RMDN2: variants seen among roughly 807,000 people sequenced by gnomAD.
RMDN2 encodes the protein regulator of microtubule dynamics 2.
Under a neutral mutation model 52.8 loss-of-function variants are expected in RMDN2, and 61 were observed. The ratio of observed to expected loss-of-function variants is 1.16; its 90% CI spans 0.94 to 1.43. The LOEUF is 1.43. Ranked by LOEUF, RMDN2 falls within the 40% of genes most tolerant of loss-of-function variation. The pLI is 0.00. For synonymous variants in RMDN2, 180 were observed against 153.1 expected, an observed-to-expected ratio of 1.18 and a Z score of -1.30; for missense variants, 592 against 475.3, an observed-to-expected ratio of 1.25 and a Z score of -2.28.
At chr2:38,039,079 CACACACACACACACAGAGAG>C (rs1395186594) in intron 10 of RMDN2, among the ~76,000 whole-genome samples, 3 of 83,262 alleles carry the variant, frequency 3.6e-5, no homozygotes, top group Non-Finnish European at 6.9e-5. Context: ...CACACACACA[CACACACACACACACAGAGAG>C]AGAGATAAAA....
At chr2:37,985,837 A>G (rs191975553) in intron 5 of RMDN2, among the ~76,000 whole-genome samples, 1 of 152,300 alleles carries the variant, frequency 6.6e-6, no homozygotes, top group East Asian at 1.9e-4. Flanking sequence ...TAAGGATAAT[A>G]GGGAAATATG....
At chr2:37,971,074 AT>A (rs1671748203) in intron 2 of RMDN2, among the ~76,000 whole-genome samples, 1 of 151,808 alleles carries the variant, frequency 6.6e-6, no homozygotes, top group Admixed American at 6.6e-5. Flanking sequence ...TAATTTATTC[AT>A]TTTTTTCTTT....
intron 7 of RMDN2, among the ~76,000 whole-genome samples, chr2:37,992,812 T>C (rs1206653843): frequency 1.3e-5 from 2 of 152,224 alleles, no homozygotes; most frequent in African/African-American, 4.8e-5. Context: ...CTCACTCACT[T>C]TTTCAAAAAC....
At chr2:38,007,918 T>C (rs1280838504) in intron 10 of RMDN2, among the ~76,000 whole-genome samples, 1 of 152,184 alleles carries the variant, frequency 6.6e-6, no homozygotes, top group African/African-American at 2.4e-5. Context: ...TTTGTTCTCG[T>C]TGGTTTCAAA....
chr2:38,030,509 A>G (rs1364383033), intron 10 of RMDN2: 1 of 152,202 alleles, frequency 6.6e-6, no homozygotes, highest in Non-Finnish European at 1.5e-5. Flanking sequence ...AAGATGACTG[A>G]TGATGTTTAT....
intron 10 of RMDN2, among the ~76,000 whole-genome samples, chr2:38,025,938 G>C (rs1679749025): frequency 1.3e-5 from 2 of 151,924 alleles, no homozygotes. Flanking sequence ...TCTGGTTTTG[G>C]TATCAGAGTA....
intron 10 of RMDN2, among the ~76,000 whole-genome samples, chr2:38,058,790 G>A (rs1681935894): frequency 6.6e-6 from 1 of 152,084 alleles, no homozygotes; most frequent in South Asian, 2.1e-4. Context: ...ATTTTCCACT[G>A]GAGATGTTGG....
chr2:38,056,408 T>C (rs1681857342), intron 10 of RMDN2, among the ~76,000 whole-genome samples: 1 of 152,220 alleles, frequency 6.6e-6, no homozygotes, highest in South Asian at 2.1e-4. Flanking sequence ...TGTTGGGGCA[T>C]GCCGGTGTGT....
At chr2:37,937,815 T>C (rs1667436445) in intron 2 of RMDN2, among the ~76,000 whole-genome samples, 1 of 152,192 alleles carries the variant, frequency 6.6e-6, no homozygotes, top group African/African-American at 2.4e-5. Flanking sequence ...TTTCTAAATA[T>C]ACAGTCATGT....
At position 37,984,739 on chromosome 2, in the gene RMDN2, C is replaced by G. The variant is rs531968309; in HGVS notation, c.791+3396C>G. 3.3e-5 allele frequency among the ~76,000 whole-genome samples: 5 copies of G among 151,988 alleles called. No individual in the cohort carries two copies. The South Asian group carries it at 6.2e-4, about 19-fold the overall frequency. ...TTCACTATCAATGCAAAGAAAAATA[C>G]AGTGTTCTTGTCAAAACATATGTAG... is the stretch of plus-strand genomic sequence containing the variant. On this transcript the variant is annotated intron_variant, in intron 5 of 10. Coordinates refer to ENST00000354545, the MANE Select transcript of RMDN2 (RefSeq NM_001170791.3).
chr2:37,958,843 A>G (rs901657626), intron 2 of RMDN2, among the ~76,000 whole-genome samples: 1 of 150,954 alleles, frequency 6.6e-6, no homozygotes, highest in African/African-American at 2.5e-5. Flanking sequence ...TGTTTTTAGC[A>G]TGAAGCCGTG....
chr2:38,011,021 A>T (rs1360193295), intron 10 of RMDN2, among the ~76,000 whole-genome samples: 1 of 152,216 alleles, frequency 6.6e-6, no homozygotes, highest in Non-Finnish European at 1.5e-5. Context: ...TGAAGCAAGC[A>T]TAATTCCTTC....
downstream of RMDN2, among the ~76,000 whole-genome samples, chr2:38,018,330 G>T (rs1679071418): frequency 6.6e-6 from 1 of 152,048 alleles, no homozygotes; most frequent in Admixed American, 6.5e-5. Context: ...AAATATAAAA[G>T]AAAAAATTTA....
At chr2:37,949,494 G>GT (rs748829626) in intron 2 of RMDN2, among the ~76,000 whole-genome samples, 2 of 152,174 alleles carry the variant, frequency 1.3e-5, no homozygotes, top group Admixed American at 1.3e-4. Flanking sequence ...TTGCTATGCT[G>GT]TAAGTAACAT....
At chr2:37,944,704 AAT>A (rs1668078457) in intron 2 of RMDN2, among the ~76,000 whole-genome samples, 1 of 152,168 alleles carries the variant, frequency 6.6e-6, no homozygotes, top group South Asian at 2.1e-4. Context: ...AAGAGAGGTA[AAT>A]ATGTGGACAC....
At chr2:38,058,715 GT>G (rs1558594312) in intron 10 of RMDN2, among the ~76,000 whole-genome samples, 1 of 152,134 alleles carries the variant, frequency 6.6e-6, no homozygotes, top group African/African-American at 2.4e-5. Context: ...GTTATGGGCA[GT>G]TTTCTGTTTC....
chr2:37,971,450 T>C (rs1671796305), intron 2 of RMDN2, among the ~76,000 whole-genome samples: 1 of 152,236 alleles, frequency 6.6e-6, no homozygotes, highest in African/African-American at 2.4e-5. Context: ...CTATTTCATA[T>C]GTCTTACCCC....
downstream of RMDN2, among the ~76,000 whole-genome samples, chr2:38,021,177 G>T (rs1679341874): frequency 6.6e-6 from 1 of 152,248 alleles, no homozygotes; most frequent in Admixed American, 6.5e-5. Flanking sequence ...TCTGTATCTA[G>T]CTAATCTAGT....
chr2:37,928,899 G>C (rs1165789817), intron 1 of RMDN2: 1 of 154,520 alleles, frequency 6.5e-6, no homozygotes, highest in Non-Finnish European at 1.4e-5. Context: ...TTGCCCATCT[G>C]TTCTTTTTTC....
Sources: allele counts gnomAD v4.1 joint callset (sites outside exome capture counted in the v4.1 genomes callset), GRCh38; gene constraint gnomAD v4.1.1; transcripts MANE v1.5; gene names NCBI Gene and HGNC (gene_info 2026-07-23, HGNC 2026-07-21).